Variants in PDE4D observed in about 807,000 individuals in gnomAD.
The protein encoded by PDE4D is 3',5'-cyclic-AMP phosphodiesterase 4D.
Under a neutral mutation model 87.4 loss-of-function variants are expected in PDE4D, and 24 were observed. The ratio of observed to expected loss-of-function variants is 0.27; its 90% CI spans 0.20 to 0.39. PDE4D has a LOEUF of 0.39. Among genes scored for constraint, PDE4D ranks in the 10% least tolerant of loss-of-function variants. The pLI is 1.00. For missense variants in PDE4D, 714 were observed against 1,041.0 expected (o/e 0.69, Z 4.32); for synonymous variants, 384 against 383.2 (o/e 1.00, Z -0.02).
intron 5 of PDE4D, chr5:59,039,325 C>T: frequency 9.6e-7 from 1 of 1,040,544 alleles, no homozygotes; most frequent in African/African-American, 1.7e-5. Context: ...AGGAGCCCGG[C>T]TCTAGCGGAT....
intron 1 of PDE4D, among the ~76,000 whole-genome samples, chr5:60,470,758 G>A (rs543992533): frequency 1.3e-5 from 2 of 152,040 alleles, no homozygotes; most frequent in Non-Finnish European, 2.9e-5. Context: ...AATTTTTTAA[G>A]CCTTCTGTTG....
At chr5:59,950,126 T>A (rs1483758613) in intron 3 of PDE4D, among the ~76,000 whole-genome samples, 1 of 152,204 alleles carries the variant, frequency 6.6e-6, no homozygotes, top group Non-Finnish European at 1.5e-5. Flanking sequence ...TTTACATTTT[T>A]GGTACTTCAT....
At chr5:59,373,564 T>C (rs1562053952) in intron 1 of PDE4D, among the ~76,000 whole-genome samples, 1 of 152,108 alleles carries the variant, frequency 6.6e-6, no homozygotes, top group Non-Finnish European at 1.5e-5. Flanking sequence ...CTCATTGGTG[T>C]CCCTGAAATA....
rs1315416386 is a variant in PDE4D at position 59,782,954 on chromosome 5, C to T, written c.455+110214G>A. 5.3e-5 allele frequency among the ~76,000 whole-genome samples: 8 copies of T among 152,244 alleles called. No homozygotes were observed. In the East Asian group the frequency reaches 1.4e-3, roughly 26 times the overall value. On this transcript the variant is annotated intron_variant, in intron 1 of 14. Transcript: ENST00000340635. ...CCTTCACCCATGCTTTGGACTTTAC[C>T]ATTTCCTTCTCTTCCTCCTCCAACT...
intron 2 of PDE4D, among the ~76,000 whole-genome samples, chr5:60,045,414 GT>G (rs1769096425): frequency 6.6e-6 from 1 of 152,228 alleles, no homozygotes; most frequent in African/African-American, 2.4e-5. Context: ...GGCTTTTGGT[GT>G]TTTAGACATG....
At chr5:59,222,540 A>G (rs1004983390) in intron 1 of PDE4D, among the ~76,000 whole-genome samples, 1 of 152,100 alleles carries the variant, frequency 6.6e-6, no homozygotes, top group Admixed American at 6.5e-5. Flanking sequence ...CCATTACCGA[A>G]GCATCTATGA....
intron 5 of PDE4D, among the ~76,000 whole-genome samples, chr5:59,065,105 CACACACACACACACACACAT>C (rs1351162119): frequency 2.4e-5 from 3 of 127,014 alleles, no homozygotes; most frequent in Middle Eastern, 4.2e-3. Context: ...CACACACACA[CACACACACACACACACACAT>C]ATACAATGAA....
intron 1 of PDE4D, among the ~76,000 whole-genome samples, chr5:59,519,404 G>A (rs138938334): frequency 1.3e-5 from 2 of 152,322 alleles, no homozygotes; most frequent in East Asian, 1.9e-4. Flanking sequence ...ACATATGAGC[G>A]ATGATCTGAA....
At chr5:59,128,135 A>G (rs145268096) in intron 5 of PDE4D, among the ~76,000 whole-genome samples, 113 of 151,734 alleles carry the variant, frequency 7.4e-4, no homozygotes, top group African/African-American at 2.5e-3. Context: ...TCTTTGATAT[A>G]AGGCTATTCC....
In PDE4D at chr5:60,075,366, G is replaced by A. The variant is rs138164592; in HGVS notation, c.43-86649C>T. ...AATCTCTCTGGCTGGTAGAGTTTCC[G>A]CTGAGAGGTCTGCTGTGTCAGAAGG... On this transcript the variant is annotated intron_variant, in intron 2 of 16. Transcript: ENST00000502484. Among the ~76,000 whole-genome samples the A allele has an allele frequency of 4.7e-4, 71 of 152,274 alleles. 1 individual carries two copies. The highest frequency in any genetic ancestry group is 2.5e-3 in the Admixed American group (38 of 15,298).
At chr5:59,577,658 C>G (rs1027503704) in intron 1 of PDE4D, among the ~76,000 whole-genome samples, 1 of 152,038 alleles carries the variant, frequency 6.6e-6, no homozygotes, top group African/African-American at 2.4e-5. Flanking sequence ...AGAGCCACAG[C>G]AAAAATTCTA....
chr5:60,051,411 A>T (rs1343509971), intron 2 of PDE4D, among the ~76,000 whole-genome samples: 1 of 152,244 alleles, frequency 6.6e-6, no homozygotes, highest in African/African-American at 2.4e-5. Flanking sequence ...CTACATGGAA[A>T]CTGAATAACC....
chr5:59,898,754 T>TA, intron 3 of PDE4D, among the ~76,000 whole-genome samples: 1 of 152,326 alleles, frequency 6.6e-6, no homozygotes, highest in East Asian at 1.9e-4. Context: ...AGAAGCCTGA[T>TA]AAAGAATTAC....
chr5:59,275,110 T>C (rs2153543462), intron 1 of PDE4D, among the ~76,000 whole-genome samples: 1 of 152,168 alleles, frequency 6.6e-6, no homozygotes, highest in Non-Finnish European at 1.5e-5. Context: ...TCTTTCCTCC[T>C]TTAAAAATTA....
intron 1 of PDE4D, among the ~76,000 whole-genome samples, chr5:59,592,874 G>A (rs1826104105): frequency 6.6e-6 from 1 of 151,934 alleles, no homozygotes; most frequent in Non-Finnish European, 1.5e-5. Context: ...TTTACTTTTT[G>A]TGTAATTTTG....
chr5:59,248,982 A>G (rs1759405848), intron 1 of PDE4D, among the ~76,000 whole-genome samples: 2 of 152,128 alleles, frequency 1.3e-5, no homozygotes, highest in African/African-American at 4.8e-5. Flanking sequence ...GAAGTTACAA[A>G]AGAAAAAAAA....
At chr5:59,490,822 G>A (rs1034525241) in intron 1 of PDE4D, among the ~76,000 whole-genome samples, 1 of 152,216 alleles carries the variant, frequency 6.6e-6, no homozygotes, top group Admixed American at 6.5e-5. Context: ...TACCACGAAA[G>A]TAAAAGGCTC....
chr5:60,106,640 G>A (rs1776958611), intron 2 of PDE4D, among the ~76,000 whole-genome samples: 1 of 151,766 alleles, frequency 6.6e-6, no homozygotes, highest in South Asian at 2.1e-4. Flanking sequence ...TAAAAGAACA[G>A]AAATTATAAC....
intron 1 of PDE4D, among the ~76,000 whole-genome samples, chr5:60,413,836 T>C (rs1742253323): frequency 6.6e-6 from 1 of 152,082 alleles, no homozygotes; most frequent in Non-Finnish European, 1.5e-5. Flanking sequence ...TTAATGTAAC[T>C]ACTATTTCCA....
Sources: gnomAD v4.1 joint callset for allele counts (sites outside exome capture counted in the v4.1 genomes callset) on GRCh38, gnomAD v4.1.1 for gene constraint, MANE v1.5 for transcripts, NCBI Gene and HGNC (gene_info 2026-07-23, HGNC 2026-07-21) for gene names.